The following DROSHA variants were observed in gnomAD, a reference collection of about 807,000 sequenced individuals.
DROSHA encodes drosha ribonuclease III.
A neutral mutation model predicts 181.9 loss-of-function variants in DROSHA; 56 were observed. The observed-to-expected ratio is 0.31, with a 90% CI of 0.25 to 0.38. DROSHA has a LOEUF of 0.38. DROSHA is among the 10% of genes least tolerant of loss of function. The probability of loss-of-function intolerance (pLI) is 1.00; values close to 1 mark genes in which losing one functional copy is unlikely to be tolerated. For missense variants in DROSHA, 1,218 were observed against 1,743.5 expected, an observed-to-expected ratio of 0.70 and a Z score of 5.37; for synonymous variants, 524 against 591.2, an observed-to-expected ratio of 0.89 and a Z score of 1.65.
rs1281698749 is a variant in DROSHA at position 31,401,193 on chromosome 5, G to C, written c.*239C>G. On this transcript the variant is annotated 3_prime_UTR_variant, in exon 36 of 36. Coordinates refer to ENST00000344624, the MANE Select transcript of DROSHA (RefSeq NM_001382508.1). ...TATTATTTAAAGAGCAAAATAAAAG[G>C]AAGTAATGCACATTCACCAAAGTCA... 1 of 440,328 alleles carries C rather than the reference G, an allele frequency of 2.3e-6. No individual in the cohort carries two copies. The highest frequency in any genetic ancestry group is 3.4e-5 in the Admixed American group (1 of 29,010). The allele number at this position is 440,328 out of a possible 1,614,324, so 27.3% of individuals were successfully genotyped here.
At chr5:31,499,852 G>A (rs553857550) in intron 11 of DROSHA, among the ~76,000 whole-genome samples, 36 of 152,160 alleles carry the variant, frequency 2.4e-4, no homozygotes, top group Non-Finnish European at 2.9e-4. Flanking sequence ...TATAACAGCA[G>A]AGGAGGAGAA....
chr5:31,504,535 T>A lies in DROSHA; in HGVS notation c.1668+20A>T. 1 of 1,613,584 alleles carries A rather than the reference T, an allele frequency of 6.2e-7. No individual in the cohort carries two copies. Among genetic ancestry groups the A allele is most frequent in the Non-Finnish European group, 8.5e-7 (1 of 1,179,678 alleles). ...TCTGGCTTCTCAGCATTTACAAACA[T>A]AATAACCCAAACCAGTTACCTCTTC... On this transcript the variant is annotated intron_variant, in intron 11 of 35. Transcript: ENST00000344624.
chr5:31,410,685 T>A, intron 31 of DROSHA, 61 bp downstream of exon 31: 1 of 1,554,848 alleles, frequency 6.4e-7, no homozygotes, highest in South Asian at 1.2e-5. Flanking sequence ...GGAGGACAAA[T>A]ACGGTTACTT....
Position 31,464,274 on chromosome 5 carries a change from C to A in DROSHA, c.2536G>T (p.Gly846Ter). The change falls in exon 20 of 36, where the codon GGA becomes TGA. Residue 846 changes from glycine (G) to a stop codon, truncating the protein, a stop_gained. Coordinates refer to ENST00000344624, the MANE Select transcript of DROSHA (RefSeq NM_001382508.1). LOFTEE classifies it high-confidence loss of function. ...REVTVELSSQ[G>*]FWKTGIRSDV... ...GAACGGATGCCAGTTTTCCAGAATC[C>A]TTGGCTACTTAGCTCCACCGTTACT... 6.2e-7 allele frequency: 1 copy of A among 1,613,396 alleles called. No individual in the cohort carries two copies. Among genetic ancestry groups the A allele is most frequent in the African/African-American group, 1.3e-5 (1 of 74,902 alleles).
intron 9 of DROSHA, among the ~76,000 whole-genome samples, chr5:31,509,595 G>A (rs74338464): frequency 0.012 from 1,790 of 152,288 alleles, 27 homozygotes; most frequent in African/African-American, 0.04. Context: ...GCTAGAGCGC[G>A]GGCCACACGG....
chr5:31,437,720 C>A (rs1745053869), intron 23 of DROSHA, among the ~76,000 whole-genome samples: 1 of 152,164 alleles, frequency 6.6e-6, no homozygotes, highest in Admixed American at 6.5e-5. Flanking sequence ...ACTCTAAACT[C>A]AACCCAGCAT....
At chr5:31,506,927 T>G (rs1320491997) in intron 10 of DROSHA, among the ~76,000 whole-genome samples, 1 of 152,174 alleles carries the variant, frequency 6.6e-6, no homozygotes, top group Non-Finnish European at 1.5e-5. Context: ...TTAGAAAGAC[T>G]GTTTACAAAG....
chr5:31,435,086 G>T (rs976286585), intron 25 of DROSHA, among the ~76,000 whole-genome samples: 1 of 152,172 alleles, frequency 6.6e-6, no homozygotes, highest in Admixed American at 6.5e-5. Context: ...ACAACAATTT[G>T]TCAATTTGTC....
chr5:31,463,687 A>C (rs955568320), intron 20 of DROSHA, among the ~76,000 whole-genome samples: 4 of 152,206 alleles, frequency 2.6e-5, no homozygotes, highest in Admixed American at 2.6e-4. Context: ...CTTATTAGTC[A>C]GTCAGTTACA....
rs1193767706 is a variant in DROSHA at position 31,495,333 on chromosome 5, T to G, written c.1708A>C (p.Arg570=). 2 of 1,613,812 alleles carry G rather than the reference T, an allele frequency of 1.2e-6. No homozygotes were observed. Among genetic ancestry groups the G allele is most frequent in the Non-Finnish European group, 1.7e-6 (2 of 1,179,854 alleles). ...PCRPMTNNAG[R]LFHYRITVSP... ...ACTGTGATCCGGTAGTGGAAAAGTC[T>G]GCCAGCATTGTTGGTCATAGGACGA... Residue 570 remains arginine, a synonymous_variant, in exon 12 of 36, where the codon AGA becomes CGA. Transcript: ENST00000344624.
chr5:31,511,054 C>T lies in DROSHA; in HGVS notation c.1413G>A (p.Thr471=), dbSNP rs918997541. The change falls in exon 9 of 36, where the codon ACG becomes ACA. Residue 471 remains threonine (T), a synonymous_variant. Transcript: ENST00000344624. ...AARPPWEPPK[T]KLDEDLESSS... is the part of the protein sequence containing the mutation. ...ACTCACCTAAATCTTCATCGAGCTT[C>T]GTCTTTGGAGGTTCCCACGGAGGCC... 1.6e-5 allele frequency: 26 copies of T among 1,613,964 alleles called. No homozygotes were observed. Among genetic ancestry groups the T allele is most frequent in the East Asian group, 2.2e-5 (1 of 44,870 alleles).
chr5:31,501,038 C>T (rs923300142), intron 11 of DROSHA, among the ~76,000 whole-genome samples: 1 of 152,196 alleles, frequency 6.6e-6, no homozygotes, highest in African/African-American at 2.4e-5. Flanking sequence ...AATCCACCGA[C>T]TGAAGAGGTG....
intron 18 of DROSHA, 150 bp downstream of exon 18, chr5:31,467,789 T>A: frequency 1.0e-6 from 1 of 985,416 alleles, no homozygotes; most frequent in Non-Finnish European, 1.4e-6. Flanking sequence ...CTACCACAAT[T>A]GTTTCATTTG....
chr5:31,439,273 G>T (rs1745260166), intron 23 of DROSHA, among the ~76,000 whole-genome samples: 1 of 152,104 alleles, frequency 6.6e-6, no homozygotes, highest in South Asian at 2.1e-4. Context: ...TTCAACATAT[G>T]GTAAAATCCT....
chr5:31,462,528 C>T (rs1308943987), intron 20 of DROSHA, among the ~76,000 whole-genome samples: 1 of 152,064 alleles, frequency 6.6e-6, no homozygotes, highest in Non-Finnish European at 1.5e-5. Context: ...ATCACTTACT[C>T]CTCCAGCTGC....
intron 15 of DROSHA, among the ~76,000 whole-genome samples, 172 bp downstream of exon 15, chr5:31,484,709 A>C (rs960950519): frequency 8.5e-5 from 13 of 152,218 alleles, no homozygotes; most frequent in Non-Finnish European, 1.8e-4. Context: ...AATCCATAGA[A>C]ACTTATTCAT....
At chr5:31,486,142 T>C (rs1366389157) in intron 14 of DROSHA, among the ~76,000 whole-genome samples, 1 of 152,174 alleles carries the variant, frequency 6.6e-6, no homozygotes, top group Admixed American at 6.5e-5. Flanking sequence ...ATAAGATTAT[T>C]ACAACAGCTA....
intron 9 of DROSHA, among the ~76,000 whole-genome samples, chr5:31,510,754 G>A (rs565682190): frequency 2.6e-4 from 40 of 152,302 alleles, no homozygotes; most frequent in Admixed American, 1.0e-3. Flanking sequence ...TCCTGCTCTC[G>A]GAAAGATGCT....
At chr5:31,448,496 T>C (rs746136355) in intron 23 of DROSHA, 51 bp downstream of exon 23, 35 of 1,465,128 alleles carry the variant, frequency 2.4e-5, no homozygotes, top group Non-Finnish European at 3.1e-5. Flanking sequence ...GTAAACTGTA[T>C]AGTACGTGAA....
Sources: allele counts gnomAD v4.1 joint callset (sites outside exome capture counted in the v4.1 genomes callset), GRCh38; gene constraint gnomAD v4.1.1; transcripts MANE v1.5; gene names NCBI Gene and HGNC (gene_info 2026-07-23, HGNC 2026-07-21).